TPO: variants seen among roughly 807,000 people sequenced by gnomAD.
The protein encoded by TPO is thyroid peroxidase, also known as thyroid microsomal antigen.
A neutral mutation model predicts 96.9 loss-of-function variants in TPO; 78 were observed. That is an observed-to-expected ratio of 0.81 (90% confidence interval 0.67 to 0.97). The LOEUF is 0.97. TPO is among the 50% of genes least tolerant of loss of function. The probability of loss-of-function intolerance (pLI) is 0.00; values close to 1 mark genes in which losing one functional copy is unlikely to be tolerated. For missense variants in TPO, 1,252 were observed against 1,274.8 expected (o/e 0.98, Z 0.27); for synonymous variants, 547 against 538.0 (o/e 1.02, Z -0.23).
intron 1 of TPO, among the ~76,000 whole-genome samples, chr2:1,398,324 A>G (rs1187850607): frequency 2.6e-5 from 4 of 152,058 alleles, no homozygotes; most frequent in Non-Finnish European, 5.9e-5. Context: ...CCCACAAACT[A>G]CTGTTGCCTT....
At chr2:1,467,121 G>T (rs1183022916) in intron 7 of TPO, among the ~76,000 whole-genome samples, 19 of 145,818 alleles carry the variant, frequency 1.3e-4, no homozygotes, top group South Asian at 2.2e-4. Context: ...TTTTTTTTTT[G>T]AGATGGAGTT....
intron 5 of TPO, among the ~76,000 whole-genome samples, chr2:1,443,149 A>G (rs1420510064): frequency 6.6e-6 from 1 of 152,226 alleles, no homozygotes; most frequent in Non-Finnish European, 1.5e-5. Flanking sequence ...TGTGTCTCAC[A>G]GTGTTGGAAG....
At chr2:1,530,984 C>A (rs113793918) in intron 15 of TPO, among the ~76,000 whole-genome samples, 1 of 121,026 alleles carries the variant, frequency 8.3e-6, no homozygotes, top group East Asian at 2.7e-4. Flanking sequence ...GTATGTGCAA[C>A]CTCCTCAAAT....
intron 15 of TPO, among the ~76,000 whole-genome samples, chr2:1,524,848 T>C (rs13430374): frequency 2.2e-4 from 20 of 89,218 alleles, no homozygotes; most frequent in South Asian, 3.7e-4. Flanking sequence ...CTGAGCAACC[T>C]CCCCAAATCC....
At chr2:1,406,917 G>GT (rs1217958682) in intron 1 of TPO, among the ~76,000 whole-genome samples, 1 of 152,194 alleles carries the variant, frequency 6.6e-6, no homozygotes, top group Non-Finnish European at 1.5e-5. Flanking sequence ...GGGAACATGA[G>GT]TATGTATTTA....
At chr2:1,462,556 G>T (rs940777774) in intron 7 of TPO, among the ~76,000 whole-genome samples, 1 of 140,660 alleles carries the variant, frequency 7.1e-6, no homozygotes, top group Non-Finnish European at 1.5e-5. Context: ...ATCAATGAAA[G>T]ATAAATGAAC....
At chr2:1,423,963 G>A (rs376454454) in intron 3 of TPO, among the ~76,000 whole-genome samples, 41 of 152,204 alleles carry the variant, frequency 2.7e-4, no homozygotes, top group Admixed American at 6.5e-4. Flanking sequence ...TACCAAGTGC[G>A]TAGTAAGAAG....
At chr2:1,403,234 G>A (rs949132253) in intron 1 of TPO, among the ~76,000 whole-genome samples, 43 of 152,158 alleles carry the variant, frequency 2.8e-4, no homozygotes, top group Admixed American at 2.0e-3. Context: ...GAGCTTGTCC[G>A]GGGTGCAGGG....
chr2:1,384,573 C>T (rs1661858282), intron 1 of TPO, among the ~76,000 whole-genome samples: 1 of 152,150 alleles, frequency 6.6e-6, no homozygotes, highest in South Asian at 2.1e-4. Flanking sequence ...TATCCTGAGA[C>T]TTTGCTGAAG....
intron 5 of TPO, among the ~76,000 whole-genome samples, chr2:1,440,448 T>C (rs1409257173): frequency 6.6e-6 from 1 of 152,264 alleles, no homozygotes; most frequent in Non-Finnish European, 1.5e-5. Flanking sequence ...ACTTAACAAG[T>C]AGTGGAAAAG....
chr2:1,456,419 T>C (rs1667792125), intron 7 of TPO, 137 bp downstream of exon 7: 1 of 898,462 alleles, frequency 1.1e-6, no homozygotes, highest in Admixed American at 2.1e-5. Flanking sequence ...GAATATCTGG[T>C]GCATCTCACT....
rs34242408 is a variant in TPO at position 1,400,568 on chromosome 2, C to CAAAAAAAAAAAAAAAAAAA, written n.180+26168_180+26186dup. Among the ~76,000 whole-genome samples, 60 of 71,600 alleles carry CAAAAAAAAAAAAAAAAAAA rather than the reference C, an allele frequency of 8.4e-4. 1 individual carries two copies. The highest frequency in any genetic ancestry group is 3.2e-3 in the African/African-American group (59 of 18,208). 47.0% of individuals were successfully genotyped at this position (71,600 alleles called of 152,430 possible). A position where few individuals can be genotyped will look rare whatever the true frequency, so the allele number is the denominator to read the frequency against. The stretch of plus-strand genomic sequence containing the variant: ...TGGATAAAGAAGTGAGACTCTGTCT[C>CAAAAAAAAAAAAAAAAAAA]AAAAAAAAAAAAAAAAAAAAGAAAT... On this transcript the variant is annotated intron_variant and non_coding_transcript_variant, in intron 1 of 5. Transcript: ENST00000497517.
chr2:1,526,256 G>C (rs1676472421), intron 15 of TPO, among the ~76,000 whole-genome samples: 1 of 80,288 alleles, frequency 1.2e-5, no homozygotes, highest in Non-Finnish European at 2.2e-5. Context: ...CCCCCCCACT[G>C]TGAGCAACCA....
At chr2:1,495,951 A>G (rs776869938) in intron 11 of TPO, 38 bp from the exon 12 acceptor site, 7 of 1,600,434 alleles carry the variant, frequency 4.4e-6, no homozygotes, top group Non-Finnish European at 6.0e-6. Flanking sequence ...GGGGTTCTCC[A>G]TGCACTGTGA....
At chr2:1,479,930 T>G (rs1161038119) in intron 8 of TPO, among the ~76,000 whole-genome samples, 1 of 152,114 alleles carries the variant, frequency 6.6e-6, no homozygotes, top group Non-Finnish European at 1.5e-5. Flanking sequence ...CACAGACATG[T>G]GCCACCACTC....
chr2:1,543,376 A>AGAGAGTGGT lies in TPO; in HGVS notation c.*903_*911dup, dbSNP rs1680934844. The AGAGAGTGGT allele has an allele frequency of 6.6e-6, 1 of 152,220 alleles. No individual in the cohort carries two copies. The highest frequency in any genetic ancestry group is 6.5e-5 in the Admixed American group (1 of 15,282). The allele number at this position is 152,220 out of a possible 1,614,324, so 9.4% of individuals were successfully genotyped here. ...CTGGAGTTCTACCTGCACTAAGAGAAGAGAGTGGTAACTAATTCATGGATA... is the reference window on the plus strand; with the variant it reads ...CTGGAGTTCTACCTGCACTAAGAGAAGAGAGTGGTGAGAGTGGTAACTAATTCATGGATA... On this transcript the variant is annotated 3_prime_UTR_variant, in exon 17 of 17. Transcript: ENST00000329066.
intron 14 of TPO, among the ~76,000 whole-genome samples, chr2:1,509,052 T>C (rs1673787590): frequency 6.6e-6 from 1 of 152,232 alleles, no homozygotes; most frequent in African/African-American, 2.4e-5. Context: ...TACACACTGC[T>C]TTGAATGTGT....
At chr2:1,527,813 C>A (rs1207909019) in intron 15 of TPO, among the ~76,000 whole-genome samples, 12 of 139,110 alleles carry the variant, frequency 8.6e-5, no homozygotes, top group African/African-American at 3.0e-4. Flanking sequence ...CTGTATGCAA[C>A]CTCCTCAAAT....
intron 8 of TPO, among the ~76,000 whole-genome samples, chr2:1,480,733 A>ACC (rs1558338674): frequency 1.1e-4 from 14 of 122,602 alleles, no homozygotes; most frequent in Non-Finnish European, 2.5e-4. Flanking sequence ...CGTCCAAACC[A>ACC]TGTTTCTCCT....
Sources: gnomAD v4.1 joint callset for allele counts (sites outside exome capture counted in the v4.1 genomes callset) on GRCh38, gnomAD v4.1.1 for gene constraint, MANE v1.5 for transcripts, NCBI Gene and HGNC (gene_info 2026-07-23, HGNC 2026-07-21) for gene names.